Variants in AGAP1 observed in about 807,000 individuals in gnomAD.
AGAP1 encodes the protein ArfGAP with GTPase domain, ankyrin repeat and PH domain 1.
Under a neutral mutation model 105.3 loss-of-function variants are expected in AGAP1, and 29 were observed. The observed-to-expected ratio is 0.28, with a 90% confidence interval of 0.21 to 0.38. The LOEUF is 0.38. AGAP1 is among the 10% of genes least tolerant of loss of function. The probability of loss-of-function intolerance (pLI) is 1.00; values close to 1 mark genes in which losing one functional copy is unlikely to be tolerated. For missense variants in AGAP1, 998 were observed against 1,165.1 expected (o/e 0.86, Z 2.09); for synonymous variants, 509 against 485.9 (o/e 1.05, Z -0.63).
intron 1 of AGAP1, among the ~76,000 whole-genome samples, chr2:235,583,105 C>T (rs1239805533): frequency 6.6e-6 from 1 of 152,208 alleles, no homozygotes; most frequent in Non-Finnish European, 1.5e-5. Flanking sequence ...AAGCCAGGGG[C>T]TCTGGGGCAC....
At chr2:235,968,894 C>T (rs1444779523) in intron 13 of AGAP1, among the ~76,000 whole-genome samples, 1 of 152,172 alleles carries the variant, frequency 6.6e-6, no homozygotes, top group South Asian at 2.1e-4. Context: ...CAGCCACCAG[C>T]CTGATCCAGT....
intron 9 of AGAP1, among the ~76,000 whole-genome samples, chr2:235,815,539 G>A (rs1340316442): frequency 6.6e-6 from 1 of 152,160 alleles, no homozygotes; most frequent in Non-Finnish European, 1.5e-5. Context: ...CTGGGTAGTA[G>A]CAGAGCTGGG....
intron 9 of AGAP1, among the ~76,000 whole-genome samples, chr2:235,807,943 G>A (rs1270413634): frequency 1.3e-5 from 2 of 152,112 alleles, no homozygotes; most frequent in Non-Finnish European, 2.9e-5. Context: ...TTACACAACA[G>A]GACTTGAATT....
chr2:235,914,512 G>A (rs1188551194), intron 11 of AGAP1, among the ~76,000 whole-genome samples: 5 of 152,172 alleles, frequency 3.3e-5, no homozygotes, highest in Non-Finnish European at 1.5e-5. Flanking sequence ...GGGCTCGGGG[G>A]TGGGGTATTC....
rs1302467317 is a variant in AGAP1 at position 236,005,502 on chromosome 2, T to C, written c.1646-31059T>C. 6.6e-6 allele frequency among the ~76,000 whole-genome samples: 1 copy of C among 152,170 alleles called. No individual in the cohort carries two copies. The highest frequency in any genetic ancestry group is 1.5e-5 in the Non-Finnish European group (1 of 68,030). ...ACATTTCTTAGAGTTCATGAGTCAA[T>C]ATTGATATGTTTTTATTAAAGTCCA... is the stretch of plus-strand genomic sequence containing the variant. On this transcript the variant is annotated intron_variant, in intron 13 of 17. Coordinates refer to ENST00000304032, the MANE Select transcript of AGAP1 (RefSeq NM_001037131.3). The surrounding 1 kb of genome is among the most constrained non-coding windows in gnomAD (Gnocchi z 4.1).
At chr2:236,091,978 G>A (rs994560749) in intron 16 of AGAP1, among the ~76,000 whole-genome samples, 24 of 152,280 alleles carry the variant, frequency 1.6e-4, no homozygotes, top group African/African-American at 5.8e-4. Flanking sequence ...CAACTTAGGC[G>A]AATCTACAGG....
intron 16 of AGAP1, among the ~76,000 whole-genome samples, chr2:236,111,066 C>T (rs772227295): frequency 6.6e-6 from 1 of 152,212 alleles, no homozygotes; most frequent in Admixed American, 6.5e-5. Flanking sequence ...ATCACCTAGT[C>T]ACCTCCCAAA....
chr2:236,011,093 G>T (rs1399779147), intron 13 of AGAP1, among the ~76,000 whole-genome samples: 1 of 152,240 alleles, frequency 6.6e-6, no homozygotes, highest in Non-Finnish European at 1.5e-5. Context: ...ATGATGATGA[G>T]TTTTCCATGT....
intron 13 of AGAP1, among the ~76,000 whole-genome samples, chr2:236,032,814 A>G (rs1051762217): frequency 3.9e-5 from 6 of 152,166 alleles, no homozygotes; most frequent in Non-Finnish European, 8.8e-5. Flanking sequence ...GGACCAGGTA[A>G]AGGATGCAGA....
intron 3 of AGAP1, among the ~76,000 whole-genome samples, chr2:235,726,245 G>T (rs562890908): frequency 6.6e-6 from 1 of 152,284 alleles, no homozygotes; most frequent in African/African-American, 2.4e-5. Flanking sequence ...TCTGTGGGGA[G>T]TCACTGTCTC....
intron 9 of AGAP1, among the ~76,000 whole-genome samples, chr2:235,849,484 C>CCTA (rs386392969): frequency 6.6e-6 from 1 of 151,378 alleles, no homozygotes; most frequent in Non-Finnish European, 1.5e-5. Context: ...AGTGACCTCT[C>CCTA]CTGCAGTGGA....
At chr2:235,767,059 C>T (rs1329010133) in intron 6 of AGAP1, among the ~76,000 whole-genome samples, 2 of 151,832 alleles carry the variant, frequency 1.3e-5, no homozygotes, top group African/African-American at 2.4e-5. Context: ...GATTACAGCC[C>T]GCCACCACGC....
In AGAP1 at chr2:235,724,965, A is replaced by G. The variant is rs1001505076; in HGVS notation, c.310+7321A>G. 6.6e-6 allele frequency among the ~76,000 whole-genome samples: 1 copy of G among 152,200 alleles called. No individual in the cohort carries two copies. The highest frequency in any genetic ancestry group is 1.5e-5 in the Non-Finnish European group (1 of 68,040). ...CTAAAGGCTTGGAGGTTCTGTAGGA[A>G]GGAATGAGCCGCTTCACCTCCTGGA... On this transcript the variant is annotated intron_variant, in intron 3 of 17. Transcript: ENST00000304032. The surrounding 1 kb of genome is among the most constrained non-coding windows in gnomAD (Gnocchi z 4.9).
At position 235,610,419 on chromosome 2, in the gene AGAP1, C is replaced by T. The variant is rs1946087731; in HGVS notation, c.164-98760C>T. On this transcript the variant is annotated intron_variant, in intron 1 of 17. Coordinates refer to ENST00000304032, the MANE Select transcript of AGAP1 (RefSeq NM_001037131.3). This position sits in a 1 kb window ranked among gnomAD's most constrained non-coding sequence, Gnocchi z 4.9. ...TGGAAGTCCAAGATCAGGGTGCTGG[C>T]ATGGTTGGACTCTGGAGAGACTCTT... Among the ~76,000 whole-genome samples, 1 of 152,136 alleles carries T rather than the reference C, an allele frequency of 6.6e-6. No individual in the cohort carries two copies. The highest frequency in any genetic ancestry group is 1.5e-5 in the Non-Finnish European group (1 of 68,020).
At chr2:235,658,724 T>G (rs1480940639) in intron 1 of AGAP1, among the ~76,000 whole-genome samples, 1 of 152,160 alleles carries the variant, frequency 6.6e-6, no homozygotes, top group Non-Finnish European at 1.5e-5. Flanking sequence ...AACGGGGACT[T>G]CCCTGGTGAG....
Position 235,535,109 on chromosome 2 carries a change from C to T in AGAP1, c.163+40260C>T, listed in dbSNP as rs1272451062. Among the ~76,000 whole-genome samples, 1 of 152,088 alleles carries T rather than the reference C, an allele frequency of 6.6e-6. No individual in the cohort carries two copies. Among genetic ancestry groups the T allele is most frequent in the Admixed American group, 6.5e-5 (1 of 15,268 alleles). ...CTGCTCCCCCAGGTGAATGGATTCT[C>T]GCCAGGGCCAATACTTATCCGCAGG... is the stretch of plus-strand genomic sequence containing the variant. On this transcript the variant is annotated intron_variant, in intron 1 of 17. Coordinates refer to ENST00000304032, the MANE Select transcript of AGAP1 (RefSeq NM_001037131.3). This position sits in a 1 kb window ranked among gnomAD's most constrained non-coding sequence, Gnocchi z 5.1.
At chr2:235,776,425 C>G (rs1265716847) in intron 6 of AGAP1, among the ~76,000 whole-genome samples, 1 of 152,252 alleles carries the variant, frequency 6.6e-6, no homozygotes, top group Non-Finnish European at 1.5e-5. Context: ...GTGCTGGCCT[C>G]TGCTCTTGCC....
Position 236,051,806 on chromosome 2 carries a change from G to A in AGAP1, c.2114+2525G>A, listed in dbSNP as rs2057908098. Reference sequence around the variant, plus strand: ...AGCAAGGTCTGTGTCCCTTCCCGCTGGAAGGCCAGGGTCCTGGTGGAGCAT... The same window carrying A: ...AGCAAGGTCTGTGTCCCTTCCCGCTAGAAGGCCAGGGTCCTGGTGGAGCAT... On this transcript the variant is annotated intron_variant, in intron 16 of 17. Transcript: ENST00000304032. This position sits in a 1 kb window ranked among gnomAD's most constrained non-coding sequence, Gnocchi z 5.9. 6.6e-6 allele frequency among the ~76,000 whole-genome samples: 1 copy of A among 152,212 alleles called. No individual in the cohort carries two copies. The highest frequency in any genetic ancestry group is 2.4e-5 in the African/African-American group (1 of 41,460).
At chr2:236,079,448 C>T (rs1313677927) in intron 16 of AGAP1, among the ~76,000 whole-genome samples, 3 of 148,860 alleles carry the variant, frequency 2.0e-5, no homozygotes, top group African/African-American at 7.4e-5. Flanking sequence ...TTGGGAGGAT[C>T]GCTTGAGCCC....
Sources: gnomAD v4.1 joint callset for allele counts (sites outside exome capture counted in the v4.1 genomes callset) on GRCh38, gnomAD v4.1.1 for gene constraint, Gnocchi (gnomAD v3.1) non-coding constraint, MANE v1.5 for transcripts, NCBI Gene and HGNC (gene_info 2026-07-23, HGNC 2026-07-21) for gene names.